The following KAZN variants were observed in gnomAD, a reference collection of about 807,000 sequenced individuals.
The protein encoded by KAZN is kazrin.
KAZN carries 40 observed loss-of-function variants against 87.4 expected under a neutral mutation model. The ratio of observed to expected loss-of-function variants is 0.46; its 90% CI spans 0.36 to 0.60. The LOEUF is 0.60. Ranked by LOEUF, KAZN falls within the 20% of genes least tolerant of loss-of-function variation. KAZN has a pLI of 0.00. For synonymous variants in KAZN, 466 were observed against 458.3 expected, an observed-to-expected ratio of 1.02 and a Z score of -0.22; for missense variants, 898 against 1,073.9, an observed-to-expected ratio of 0.84 and a Z score of 2.29.
chr1:14,486,807 C>A (rs541592661), intron 2 of KAZN, among the ~76,000 whole-genome samples: 13 of 152,232 alleles, frequency 8.5e-5, no homozygotes, highest in Admixed American at 7.9e-4. Context: ...TTCCAAAGTA[C>A]TGACCACTGG....
chr1:14,368,463 C>G (rs1452538689), intron 2 of KAZN, among the ~76,000 whole-genome samples: 4 of 152,250 alleles, frequency 2.6e-5, no homozygotes, highest in Non-Finnish European at 5.9e-5. Flanking sequence ...AACAAAGCTT[C>G]TAGGTCTCTG....
At chr1:14,800,259 T>A (rs1645966942) in intron 1 of KAZN, among the ~76,000 whole-genome samples, 1 of 152,204 alleles carries the variant, frequency 6.6e-6, no homozygotes, top group Non-Finnish European at 1.5e-5. Flanking sequence ...ACTGAAAACG[T>A]GTGTCCACAC....
At chr1:14,235,851 C>G (rs1018768136) in intron 2 of KAZN, among the ~76,000 whole-genome samples, 5 of 152,122 alleles carry the variant, frequency 3.3e-5, no homozygotes, top group Non-Finnish European at 7.4e-5. Context: ...TCTTAGCAAT[C>G]CAGTCTCTTT....
chr1:14,048,350 GCATT>G (rs1165255902), intron 1 of KAZN, among the ~76,000 whole-genome samples: 4 of 151,316 alleles, frequency 2.6e-5, no homozygotes, highest in Non-Finnish European at 1.5e-5. Context: ...TATTTTAAGA[GCATT>G]CTGCTGTTAC....
rs141645024 is a variant in KAZN, at chr1:14,833,575, C to G, written c.227-127109C>G. Among the ~76,000 whole-genome samples, 38 of 152,302 alleles carry G rather than the reference C, an allele frequency of 2.5e-4. No homozygotes were observed. The East Asian group carries it at 6.4e-3, about 26-fold the overall frequency. On this transcript the variant is annotated intron_variant, in intron 1 of 14. Transcript: ENST00000376030. ...AAAGTAGGGTATCCGTCCTCTACCC[C>G]CCCCAGGCCCTCATCATAAGCATAT...
intron 1 of KAZN, among the ~76,000 whole-genome samples, chr1:14,000,281 C>T (rs12564354): frequency 0.14 from 21,454 of 152,148 alleles, 1,622 homozygotes; most frequent in Middle Eastern, 0.22. Flanking sequence ...TGATGAACAT[C>T]GATGCAAAAA....
chr1:15,012,420 G>A (rs762653250), intron 2 of KAZN, among the ~76,000 whole-genome samples: 38 of 152,160 alleles, frequency 2.5e-4, no homozygotes, highest in Admixed American at 5.9e-4. Flanking sequence ...GAGTAAGGAT[G>A]GGGGGTTGGA....
chr1:14,003,332 T>TAA (rs572382814), intron 1 of KAZN, among the ~76,000 whole-genome samples: 1 of 128,804 alleles, frequency 7.8e-6, no homozygotes, highest in Non-Finnish European at 1.7e-5. Context: ...AAAGTAAAAT[T>TAA]AAAAAAAAAA....
upstream of KAZN, among the ~76,000 whole-genome samples, chr1:14,597,415 T>C (rs1676582929): frequency 6.6e-6 from 1 of 152,188 alleles, no homozygotes; most frequent in African/African-American, 2.4e-5. Flanking sequence ...CAGGAGGAAC[T>C]TGCAATCAGA....
intron 2 of KAZN, among the ~76,000 whole-genome samples, chr1:14,571,425 T>C (rs1388557357): frequency 6.6e-6 from 1 of 152,212 alleles, no homozygotes; most frequent in Non-Finnish European, 1.5e-5. Flanking sequence ...CTGCAAAAAT[T>C]GCTAAGTACT....
Position 14,058,371 on chromosome 1 carries a change from A to G in KAZN, c.92-122064A>G, listed in dbSNP as rs113596796. Among the ~76,000 whole-genome samples the G allele has an allele frequency of 7.2e-3, 1,098 of 152,336 alleles. 11 individuals carry two copies. The highest frequency in any genetic ancestry group is 0.025 in the African/African-American group (1,049 of 41,556). ...TTTAAAAAAACAAAGCCAGGAAGACACATGGCTGCTTCCATTCTGTTCTCT... is the reference window on the plus strand; with the variant it reads ...TTTAAAAAAACAAAGCCAGGAAGACGCATGGCTGCTTCCATTCTGTTCTCT... On this transcript the variant is annotated intron_variant, in intron 1 of 16. Coordinates refer to the KAZN transcript ENST00000636203.
chr1:14,414,936 G>A (rs2101226799), intron 2 of KAZN, among the ~76,000 whole-genome samples: 1 of 152,294 alleles, frequency 6.6e-6, no homozygotes, highest in East Asian at 1.9e-4. Context: ...TGAGACAAGA[G>A]AATTGCTTGA....
chr1:14,664,768 C>G (rs1317296272), intron 1 of KAZN, among the ~76,000 whole-genome samples: 1 of 151,610 alleles, frequency 6.6e-6, no homozygotes, highest in African/African-American at 2.4e-5. Flanking sequence ...ATTCTCCTGC[C>G]TCAGCCTCCC....
At chr1:14,563,389 C>G (rs1674363713) in intron 2 of KAZN, among the ~76,000 whole-genome samples, 1 of 152,144 alleles carries the variant, frequency 6.6e-6, no homozygotes, top group Non-Finnish European at 1.5e-5. Context: ...AAACCCATAA[C>G]CCAAGGGACT....
At chr1:14,941,968 G>C (rs1445362813) in intron 1 of KAZN, among the ~76,000 whole-genome samples, 1 of 152,198 alleles carries the variant, frequency 6.6e-6, no homozygotes, top group Non-Finnish European at 1.5e-5. Flanking sequence ...GTGACCTCAT[G>C]GCTTGGTTGG....
At chr1:15,017,602 G>A (rs11578224) in intron 2 of KAZN, among the ~76,000 whole-genome samples, 2,223 of 152,066 alleles carry the variant, frequency 0.015, 47 homozygotes, top group African/African-American at 0.05. Flanking sequence ...TCAGGAGTTT[G>A]AGACCAGCCT....
intron 1 of KAZN, among the ~76,000 whole-genome samples, chr1:14,168,010 A>G (rs1645869589): frequency 1.3e-5 from 2 of 152,166 alleles, no homozygotes; most frequent in Admixed American, 6.5e-5. Context: ...AGCACGTCCC[A>G]TCAGGGCCGC....
chr1:14,860,555 C>G (rs745368621), intron 1 of KAZN, among the ~76,000 whole-genome samples: 11 of 152,124 alleles, frequency 7.2e-5, no homozygotes, highest in Non-Finnish European at 1.3e-4. Context: ...AGAGGGAGAC[C>G]TATAGACTTT....
At chr1:14,829,230 A>C (rs552621478) in intron 1 of KAZN, among the ~76,000 whole-genome samples, 12 of 152,234 alleles carry the variant, frequency 7.9e-5, no homozygotes, top group Non-Finnish European at 1.8e-4. Context: ...TAACAGAGCT[A>C]TGGATGACTT....
Sources: gnomAD v4.1 joint callset for allele counts (sites outside exome capture counted in the v4.1 genomes callset) on GRCh38, gnomAD v4.1.1 for gene constraint, MANE v1.5 for transcripts, NCBI Gene and HGNC (gene_info 2026-07-23, HGNC 2026-07-21) for gene names.